The following LINGO2 variants were observed in gnomAD, a reference collection of about 807,000 sequenced individuals.
LINGO2 encodes leucine-rich repeat and immunoglobulin-like domain-containing nogo receptor-interacting protein 2.
A neutral mutation model predicts 30.6 loss-of-function variants in LINGO2; 14 were observed. The observed-to-expected ratio is 0.46, with a 90% CI of 0.30 to 0.72. The LOEUF (loss-of-function observed/expected upper bound fraction) is 0.72, where lower values mean the gene tolerates loss of function less well. LINGO2 is among the 30% of genes least tolerant of loss of function. The probability of loss-of-function intolerance (pLI) is 0.07; values close to 1 mark genes in which losing one functional copy is unlikely to be tolerated. For missense variants in LINGO2, 729 were observed against 751.7 expected (o/e 0.97, Z 0.35); for synonymous variants, 317 against 288.5 (o/e 1.10, Z -1.00).
At chr9:28,206,854 T>A (rs1404487821) in intron 4 of LINGO2, among the ~76,000 whole-genome samples, 2 of 152,122 alleles carry the variant, frequency 1.3e-5, no homozygotes, top group Admixed American at 1.3e-4. Flanking sequence ...TAATTATTTC[T>A]CCCAACCCAG....
chr9:29,184,899 T>G, the LINGO2 span, among the ~76,000 whole-genome samples: 2 of 152,300 alleles, frequency 1.3e-5, no homozygotes, highest in Admixed American at 1.3e-4. Flanking sequence ...AAATAATACA[T>G]ACCATTACTT....
At chr9:28,239,673 T>C (rs1032462380) in intron 4 of LINGO2, among the ~76,000 whole-genome samples, 13 of 152,284 alleles carry the variant, frequency 8.5e-5, no homozygotes, top group African/African-American at 2.9e-4. Context: ...CCATAGCTAG[T>C]ATTATACAGA....
intron 1 of LINGO2, among the ~76,000 whole-genome samples, chr9:28,634,612 A>C (rs542922382): frequency 6.6e-6 from 1 of 150,638 alleles, no homozygotes; most frequent in South Asian, 2.1e-4. Context: ...CAGCCTCCCG[A>C]GTAGCTGGGA....
At chr9:27,955,517 A>C (rs866036685) in intron 5 of LINGO2, among the ~76,000 whole-genome samples, 9 of 152,312 alleles carry the variant, frequency 5.9e-5, no homozygotes, top group Middle Eastern at 6.8e-3. Context: ...TTGTCACTAT[A>C]GATTAGTATT....
the LINGO2 span, among the ~76,000 whole-genome samples, chr9:28,997,620 G>A: frequency 6.6e-6 from 1 of 151,918 alleles, no homozygotes; most frequent in East Asian, 1.9e-4. Context: ...TCAGGAGATC[G>A]AGACCATCCT....
At chr9:28,892,253 A>C in the LINGO2 span, among the ~76,000 whole-genome samples, 1 of 152,104 alleles carries the variant, frequency 6.6e-6, no homozygotes, top group East Asian at 1.9e-4. Flanking sequence ...TCAAGTTCTC[A>C]AGTTTGAGAT....
chr9:29,095,657 T>A, the LINGO2 span, among the ~76,000 whole-genome samples: 6 of 138,710 alleles, frequency 4.3e-5, 1 homozygote, highest in African/African-American at 1.6e-4. Context: ...ATAAGTGAAT[T>A]CATGAAGGCT....
At chr9:28,240,981 A>G (rs1821762724) in intron 4 of LINGO2, among the ~76,000 whole-genome samples, 1 of 152,114 alleles carries the variant, frequency 6.6e-6, no homozygotes, top group Admixed American at 6.6e-5. Flanking sequence ...CTCCATAAGA[A>G]AAAATCTGGT....
chr9:28,430,109 C>CGCGCGCGT lies in LINGO2; in HGVS notation c.-279+45830_-279+45831insACGCGCGC, dbSNP rs569701444. ...AGGCTGATTTCCACGCGCGCGCGCG[C>CGCGCGCGT]GTGTGTGTGTGTGTGTGTGTGATTC... On this transcript the variant is annotated intron_variant, in intron 2 of 5. Transcript: ENST00000379992. Among the ~76,000 whole-genome samples, 342 of 136,178 alleles carry CGCGCGCGT rather than the reference C, an allele frequency of 2.5e-3. 1 individual carries two copies. Among genetic ancestry groups the CGCGCGCGT allele is most frequent in the Middle Eastern group, 0.023 (6 of 266 alleles). 89.3% of individuals were successfully genotyped at this position (136,178 alleles called of 152,430 possible).
chr9:27,992,666 A>C (rs562230019), intron 5 of LINGO2, among the ~76,000 whole-genome samples: 179 of 152,246 alleles, frequency 1.2e-3, no homozygotes, highest in Middle Eastern at 6.8e-3. Context: ...TTATACATGC[A>C]TATAGACAAA....
chr9:28,901,514 AG>A, the LINGO2 span, among the ~76,000 whole-genome samples: 3 of 152,206 alleles, frequency 2.0e-5, no homozygotes, highest in East Asian at 5.8e-4. Context: ...TTATTTGTTA[AG>A]GGATACAAAT....
At chr9:28,117,854 C>T (rs1158140248) in intron 4 of LINGO2, among the ~76,000 whole-genome samples, 1 of 152,050 alleles carries the variant, frequency 6.6e-6, no homozygotes, top group Non-Finnish European at 1.5e-5. Context: ...GATGGAAATG[C>T]AGATATCACC....
chr9:29,082,008 G>A, the LINGO2 span, among the ~76,000 whole-genome samples: 7 of 152,048 alleles, frequency 4.6e-5, no homozygotes, highest in Admixed American at 4.6e-4. Flanking sequence ...GCTGCCCAAG[G>A]TAATTTACAG....
chr9:28,561,456 C>G (rs1274947024), intron 1 of LINGO2, among the ~76,000 whole-genome samples: 1 of 150,920 alleles, frequency 6.6e-6, no homozygotes, highest in Admixed American at 6.6e-5. Context: ...TTAAATTTAC[C>G]TCAGGAGATT....
chr9:28,164,148 G>A (rs1828363446), intron 4 of LINGO2, among the ~76,000 whole-genome samples: 1 of 152,090 alleles, frequency 6.6e-6, no homozygotes, highest in Non-Finnish European at 1.5e-5. Flanking sequence ...TTTAAGAAGT[G>A]TCTGTTACCT....
the LINGO2 span, among the ~76,000 whole-genome samples, chr9:28,875,819 G>C: frequency 0.043 from 6,561 of 152,114 alleles, 217 homozygotes; most frequent in Admixed American, 0.084. Flanking sequence ...GAATGTGTGT[G>C]TTTTAACATA....
At chr9:28,170,679 A>G (rs1464501538) in intron 4 of LINGO2, among the ~76,000 whole-genome samples, 1 of 152,194 alleles carries the variant, frequency 6.6e-6, no homozygotes, top group African/African-American at 2.4e-5. Context: ...TCTTGAGGCC[A>G]TAGGGGAGAA....
At chr9:28,976,350 T>C in the LINGO2 span, among the ~76,000 whole-genome samples, 3 of 152,112 alleles carry the variant, frequency 2.0e-5, no homozygotes, top group African/African-American at 7.2e-5. Flanking sequence ...TCCCAAACCA[T>C]CTCAGAAGCA....
At chr9:29,036,541 T>C in the LINGO2 span, among the ~76,000 whole-genome samples, 1 of 152,090 alleles carries the variant, frequency 6.6e-6, no homozygotes, top group Admixed American at 6.6e-5. Flanking sequence ...TCCAATGCTG[T>C]AATACTAGCC....
Sources: allele counts gnomAD v4.1 joint callset (sites outside exome capture counted in the v4.1 genomes callset), GRCh38; gene constraint gnomAD v4.1.1; transcripts MANE v1.5; gene names NCBI Gene and HGNC (gene_info 2026-07-23, HGNC 2026-07-21).